The following TLN2 variants were observed in gnomAD, a reference collection of about 807,000 sequenced individuals.
TLN2 encodes talin 2.
In TLN2, 118 loss-of-function variants were observed where a neutral mutation model predicts 294.7. The ratio of observed to expected loss-of-function variants is 0.40; its 90% CI spans 0.34 to 0.47. The LOEUF is 0.47. Ranked by LOEUF, TLN2 falls within the 20% of genes least tolerant of loss-of-function variation. The pLI, the probability that TLN2 is intolerant of heterozygous loss-of-function variation, is 0.84. For missense variants in TLN2, 3,083 were observed against 3,282.2 expected, an observed-to-expected ratio of 0.94 and a Z score of 1.48; for synonymous variants, 1,431 against 1,304.5, an observed-to-expected ratio of 1.10 and a Z score of -2.09.
chr15:62,564,153 T>C (rs1288729270), intron 1 of TLN2, among the ~76,000 whole-genome samples: 1 of 152,246 alleles, frequency 6.6e-6, no homozygotes, highest in East Asian at 1.9e-4. Flanking sequence ...TGTGCAACTC[T>C]GTTTTACACA....
chr15:62,419,522 T>C (rs1157694177), intron 1 of TLN2, among the ~76,000 whole-genome samples: 1 of 152,138 alleles, frequency 6.6e-6, no homozygotes, highest in Non-Finnish European at 1.5e-5. Context: ...CTGACCTTAA[T>C]ACGATACCTC....
At chr15:62,694,430 C>T in intron 14 of TLN2, 38 bp downstream of exon 14, 1 of 1,576,480 alleles carries the variant, frequency 6.3e-7, no homozygotes, top group Non-Finnish European at 8.7e-7. Flanking sequence ...CCACCTTCTC[C>T]CTAGATAGGT....
At chr15:62,696,335 C>T (rs796416926) in intron 14 of TLN2, among the ~76,000 whole-genome samples, 5 of 152,326 alleles carry the variant, frequency 3.3e-5, no homozygotes, top group African/African-American at 1.2e-4. Flanking sequence ...GAACATATGC[C>T]ACCCTCAGAC....
At chr15:62,827,840 G>A (rs549635903) in intron 54 of TLN2, 6 of 152,312 alleles carry the variant, frequency 3.9e-5, no homozygotes, top group African/African-American at 1.4e-4. Flanking sequence ...TACTAATCAC[G>A]TGCTTGTAAT....
At chr15:62,530,610 C>A (rs1412026109) in intron 1 of TLN2, among the ~76,000 whole-genome samples, 1 of 152,192 alleles carries the variant, frequency 6.6e-6, no homozygotes, top group Non-Finnish European at 1.5e-5. Context: ...CTGCCTTGGC[C>A]TCCCAAAGTG....
chr15:62,833,654 C>A, intron 55 of TLN2, 25 bp downstream of exon 55: 2 of 1,610,810 alleles, frequency 1.2e-6, no homozygotes, highest in East Asian at 2.2e-5. Flanking sequence ...TGACCACATG[C>A]GGGACACTCA....
At chr15:62,414,192 A>ATATATATATATATATATATATATAT (rs66893340) in intron 1 of TLN2, among the ~76,000 whole-genome samples, 5 of 122,056 alleles carry the variant, frequency 4.1e-5, no homozygotes, top group African/African-American at 5.6e-5. Flanking sequence ...ATATATATAT[A>ATATATATATATATATATATATATAT]ATTTGAGAAA....
intron 1 of TLN2, among the ~76,000 whole-genome samples, chr15:62,459,817 G>A (rs1448828212): frequency 6.6e-6 from 1 of 151,906 alleles, no homozygotes; most frequent in Non-Finnish European, 1.5e-5. Context: ...AGTGTCTGAG[G>A]TCCTAAGCTT....
intron 54 of TLN2, 108 bp from the exon 55 acceptor site, chr15:62,833,396 A>C (rs1013978667): frequency 6.7e-7 from 1 of 1,495,122 alleles, no homozygotes; most frequent in South Asian, 1.4e-5. Flanking sequence ...TTGTCAACAA[A>C]AAACAATAGG....
Position 62,711,896 on chromosome 15 carries a change from T to C in TLN2, c.2468-15T>C, listed in dbSNP as rs770571787. ...AAGCAGACAAACAGACCTCATCCTC[T>C]ATTCTGTCTTCTAGGTGAAATGGTG... On this transcript the variant is annotated splice_polypyrimidine_tract_variant and intron_variant, in intron 21 of 58. Coordinates refer to ENST00000636159, the MANE Select transcript of TLN2 (RefSeq NM_015059.3). 2.5e-6 allele frequency: 4 copies of C among 1,597,086 alleles called. No individual in the cohort carries two copies. Among genetic ancestry groups the C allele is most frequent in the South Asian group, 2.2e-5 (2 of 90,268 alleles).
At chr15:62,614,331 A>C (rs542943928) in intron 2 of TLN2, among the ~76,000 whole-genome samples, 1 of 152,328 alleles carries the variant, frequency 6.6e-6, no homozygotes, top group Admixed American at 6.5e-5. Context: ...ATTTGAATTA[A>C]AAACTTTCTG....
At chr15:62,395,888 T>C (rs2032503630) in intron 1 of TLN2, among the ~76,000 whole-genome samples, 1 of 152,222 alleles carries the variant, frequency 6.6e-6, no homozygotes, top group Admixed American at 6.5e-5. Flanking sequence ...CAGACTGGAC[T>C]GCAGTGGCTT....
chr15:62,427,248 G>A (rs2034764937), intron 1 of TLN2, among the ~76,000 whole-genome samples: 1 of 152,188 alleles, frequency 6.6e-6, no homozygotes, highest in Non-Finnish European at 1.5e-5. Flanking sequence ...GGTCTGAAGA[G>A]GAGGGCTGGG....
chr15:62,493,663 T>C (rs2038868431), intron 1 of TLN2, among the ~76,000 whole-genome samples: 1 of 146,936 alleles, frequency 6.8e-6, no homozygotes, highest in Non-Finnish European at 1.5e-5. Flanking sequence ...CAGGCTGGAG[T>C]GCAGGGGCAC....
chr15:62,442,587 C>T lies in TLN2; in HGVS notation c.-238+51902C>T, dbSNP rs543029846. 1.6e-3 allele frequency among the ~76,000 whole-genome samples: 238 copies of T among 150,638 alleles called. 1 individual carries two copies. Among genetic ancestry groups the T allele is most frequent in the African/African-American group, 5.2e-3 (213 of 40,962 alleles). ...ACTGCTTGGTTGCTGTGTGAGGTTG[C>T]TGTGGGAGGAGAAATCCCCATACAT... On this transcript the variant is annotated intron_variant, in intron 1 of 58. Coordinates refer to ENST00000636159, the MANE Select transcript of TLN2 (RefSeq NM_015059.3).
intron 1 of TLN2, among the ~76,000 whole-genome samples, chr15:62,472,117 A>G (rs1174657043): frequency 6.6e-6 from 1 of 151,802 alleles, no homozygotes; most frequent in Non-Finnish European, 1.5e-5. Flanking sequence ...ACCCACCCCC[A>G]TGAGTCAGTC....
intron 43 of TLN2, 58 bp from the exon 44 acceptor site, chr15:62,781,082 C>T (rs1031098013): frequency 9.2e-6 from 12 of 1,303,494 alleles, no homozygotes; most frequent in Middle Eastern, 1.8e-4. Context: ...CTCGTAAATA[C>T]AGTCTACACT....
intron 3 of TLN2, among the ~76,000 whole-genome samples, chr15:62,633,513 C>G (rs914748667): frequency 6.6e-6 from 1 of 152,134 alleles, no homozygotes; most frequent in African/African-American, 2.4e-5. Context: ...CTATGTTGCC[C>G]AGGCTGGTCT....
chr15:62,760,528 G>A (rs1394752996), intron 37 of TLN2, among the ~76,000 whole-genome samples: 3 of 152,108 alleles, frequency 2.0e-5, no homozygotes, highest in Non-Finnish European at 4.4e-5. Flanking sequence ...AAGGAAATTT[G>A]CATTCTTCTG....
Sources: gnomAD v4.1 joint callset for allele counts (sites outside exome capture counted in the v4.1 genomes callset) on GRCh38, gnomAD v4.1.1 for gene constraint, MANE v1.5 for transcripts, NCBI Gene and HGNC (gene_info 2026-07-23, HGNC 2026-07-21) for gene names.